The following FBXL7 variants were observed in gnomAD, a reference collection of about 807,000 sequenced individuals.
The protein encoded by FBXL7 is F-box/LRR-repeat protein 7.
Under a neutral mutation model 38.3 loss-of-function variants are expected in FBXL7, and 12 were observed. The ratio of observed to expected loss-of-function variants is 0.31; its 90% CI spans 0.20 to 0.51. The LOEUF is 0.51. Among genes scored for constraint, FBXL7 ranks in the 20% least tolerant of loss-of-function variants. The probability of loss-of-function intolerance (pLI) is 0.98; values close to 1 mark genes in which losing one functional copy is unlikely to be tolerated. For missense variants in FBXL7, 567 were observed against 676.4 expected (o/e 0.84, Z 1.79); for synonymous variants, 297 against 300.9 (o/e 0.99, Z 0.13).
intron 2 of FBXL7, among the ~76,000 whole-genome samples, chr5:15,778,761 T>C (rs941239203): frequency 2.6e-5 from 4 of 152,102 alleles, no homozygotes; most frequent in African/African-American, 9.7e-5. Flanking sequence ...CTAGCTTTCT[T>C]ATCCAGTTGC....
intron 2 of FBXL7, among the ~76,000 whole-genome samples, chr5:15,834,054 GTAAATAAAACA>G (rs1296957536): frequency 6.6e-6 from 1 of 152,172 alleles, no homozygotes; most frequent in Non-Finnish European, 1.5e-5. Context: ...AGAGCCATCT[GTAAATAAAACA>G]TTATTGTATT....
intron 1 of FBXL7, among the ~76,000 whole-genome samples, chr5:15,505,922 C>T (rs1402911293): frequency 5.3e-5 from 8 of 152,128 alleles, no homozygotes; most frequent in East Asian, 1.9e-4. Context: ...TCAGTCGGAA[C>T]GTTTCTGTCC....
At chr5:15,733,353 A>C (rs1735663712) in intron 2 of FBXL7, among the ~76,000 whole-genome samples, 2 of 149,308 alleles carry the variant, frequency 1.3e-5, no homozygotes, top group African/African-American at 4.9e-5. Context: ...AGCCTCCCAA[A>C]GTGCTGGGAT....
intron 2 of FBXL7, among the ~76,000 whole-genome samples, chr5:15,697,598 T>C (rs1743380878): frequency 6.8e-6 from 1 of 148,032 alleles, no homozygotes; most frequent in African/African-American, 2.5e-5. Context: ...AAATTGGGAG[T>C]GGAAGGAGTG....
At chr5:15,832,020 C>A (rs748482409) in intron 2 of FBXL7, among the ~76,000 whole-genome samples, 1 of 152,134 alleles carries the variant, frequency 6.6e-6, no homozygotes, top group Non-Finnish European at 1.5e-5. Context: ...CTCCTGATCT[C>A]CAGCATTTGT....
chr5:15,932,829 A>G (rs539964866), intron 3 of FBXL7, among the ~76,000 whole-genome samples: 7 of 152,306 alleles, frequency 4.6e-5, no homozygotes, highest in Admixed American at 4.6e-4. Context: ...CAAGTTTCCA[A>G]AGACCCCTGG....
intron 2 of FBXL7, among the ~76,000 whole-genome samples, chr5:15,872,406 CATAACA>C (rs750171208): frequency 1.2e-3 from 189 of 152,086 alleles, no homozygotes; most frequent in South Asian, 3.1e-3. Context: ...CAAGTTCACA[CATAACA>C]ATAACAATAA....
chr5:15,790,713 A>G (rs1737251398), intron 2 of FBXL7, among the ~76,000 whole-genome samples: 1 of 152,174 alleles, frequency 6.6e-6, no homozygotes, highest in South Asian at 2.1e-4. Flanking sequence ...AGCTTCCCTG[A>G]CATTTATTCA....
At chr5:15,677,564 G>T (rs58080135) in intron 2 of FBXL7, among the ~76,000 whole-genome samples, 56,236 of 151,200 alleles carry the variant, frequency 0.37, 10,907 homozygotes, top group East Asian at 0.5. Flanking sequence ...AGGAAGGAAG[G>T]AAATTTCTAG....
intron 1 of FBXL7, among the ~76,000 whole-genome samples, chr5:15,557,759 C>T (rs1309763778): frequency 6.6e-6 from 1 of 152,112 alleles, no homozygotes; most frequent in African/African-American, 2.4e-5. Context: ...ACCCAGGGAC[C>T]CCTGAGGGGT....
chr5:15,935,002 T>C (rs1742139265), intron 3 of FBXL7, among the ~76,000 whole-genome samples: 1 of 152,088 alleles, frequency 6.6e-6, no homozygotes, highest in South Asian at 2.1e-4. Flanking sequence ...TATACAAGCA[T>C]GGTTGGGGAC....
rs142922649 is a variant in FBXL7, at chr5:15,592,222, A to C, written c.38-23761A>C. ...ACGTGGCCTAGGATTTAGGCCTTCT[A>C]TCTGTCCATCCTCTGCCCCAGTTTT... On this transcript the variant is annotated intron_variant, in intron 1 of 3. Transcript: ENST00000504595. Among the ~76,000 whole-genome samples the C allele has an allele frequency of 3.3e-5, 5 of 152,306 alleles. No individual in the cohort carries two copies. The East Asian group carries it at 9.7e-4, about 29-fold the overall frequency.
rs565367714 is a variant in FBXL7, at chr5:15,839,486, C to CT, written c.128-88397dup. 2.2e-3 allele frequency among the ~76,000 whole-genome samples: 330 copies of CT among 151,972 alleles called. 1 individual carries two copies. The highest frequency in any genetic ancestry group is 7.4e-3 in the African/African-American group (305 of 41,476). ...TGTCATTACTAAATATTGCATATAT[C>CT]TTTTTTTCCATTGAATTCTAGTGCT... On this transcript the variant is annotated intron_variant, in intron 2 of 3. Transcript: ENST00000504595.
rs529569160 is a variant in FBXL7, at chr5:15,552,313, G to A, written c.37+51600G>A. 3.9e-5 allele frequency among the ~76,000 whole-genome samples: 6 copies of A among 152,200 alleles called. No individual in the cohort carries two copies. The South Asian group carries it at 1.0e-3, about 26-fold the overall frequency. On this transcript the variant is annotated intron_variant, in intron 1 of 3. Transcript: ENST00000504595. ...CTGGTCTTGCCTCTGCCTGTCTTGT[G>A]GCTCATACTCCTCTGTGCCAGTCAC...
intron 2 of FBXL7, among the ~76,000 whole-genome samples, chr5:15,776,823 A>G (rs970934578): frequency 1.3e-5 from 2 of 152,134 alleles, no homozygotes; most frequent in Admixed American, 1.3e-4. Flanking sequence ...GATAATGGTA[A>G]CATTTATGGA....
intron 2 of FBXL7, among the ~76,000 whole-genome samples, chr5:15,695,468 A>C (rs1166797396): frequency 1.3e-5 from 2 of 152,138 alleles, no homozygotes; most frequent in African/African-American, 2.4e-5. Flanking sequence ...AGCCTCACCC[A>C]GTTCCCATCG....
chr5:15,501,075 G>A (rs1247328660), intron 1 of FBXL7, among the ~76,000 whole-genome samples: 1 of 152,178 alleles, frequency 6.6e-6, no homozygotes, highest in African/African-American at 2.4e-5. Flanking sequence ...AAATAACTCA[G>A]TGAAAACTTT....
Position 15,923,232 on chromosome 5 carries a change from G to C in FBXL7, c.128-4658G>C, listed in dbSNP as rs561744480. Among the ~76,000 whole-genome samples, 3 of 152,302 alleles carry C rather than the reference G, an allele frequency of 2.0e-5. No individual in the cohort carries two copies. The South Asian group carries it at 6.2e-4, about 32-fold the overall frequency. On this transcript the variant is annotated intron_variant, in intron 2 of 3. Coordinates refer to ENST00000504595, the MANE Select transcript of FBXL7 (RefSeq NM_012304.5). The stretch of plus-strand genomic sequence containing the variant: ...ATTGCCAATGTCCATTTAGCTGCCA[G>C]TCTTCTGAAAGAAACGTAGGAGAAA...
chr5:15,526,451 C>A (rs994413770), intron 1 of FBXL7, among the ~76,000 whole-genome samples: 4 of 152,166 alleles, frequency 2.6e-5, no homozygotes, highest in Admixed American at 2.0e-4. Flanking sequence ...CCAAAGGCGT[C>A]TTTCGGTTGC....
Sources: gnomAD v4.1 joint callset for allele counts (sites outside exome capture counted in the v4.1 genomes callset) on GRCh38, gnomAD v4.1.1 for gene constraint, MANE v1.5 for transcripts, NCBI Gene and HGNC (gene_info 2026-07-23, HGNC 2026-07-21) for gene names.